DIP2C: variants seen among roughly 807,000 people sequenced by gnomAD.
DIP2C encodes DIP2 acetate--CoA ligase C (putative).
DIP2C carries 33 observed loss-of-function variants against 192.4 expected under a neutral mutation model. That is an observed-to-expected ratio of 0.17 (90% CI 0.13 to 0.23). DIP2C has a LOEUF of 0.23. Ranked by LOEUF, DIP2C falls within the 10% of genes least tolerant of loss-of-function variation. DIP2C has a pLI of 1.00. For synonymous variants in DIP2C, 979 were observed against 864.1 expected, an observed-to-expected ratio of 1.13 and a Z score of -2.33; for missense variants, 1,537 against 2,110.1, an observed-to-expected ratio of 0.73 and a Z score of 5.32.
At chr10:430,842 CACTAT>C (rs1188458533) in intron 4 of DIP2C, among the ~76,000 whole-genome samples, 1 of 152,162 alleles carries the variant, frequency 6.6e-6, no homozygotes, top group East Asian at 1.9e-4. Flanking sequence ...AATATTTCAC[CACTAT>C]ACTAATGAGG....
rs1348954786 is a variant in DIP2C, at chr10:666,966, C to A, written c.85+22528G>T. On this transcript the variant is annotated intron_variant, in intron 1 of 36. Transcript: ENST00000280886. The surrounding 1 kb of genome is among the most constrained non-coding windows in gnomAD (Gnocchi z 4.1). ...GAGGGCACCCACCCAGTCTCCTAAT[C>A]ATAACAGACATTCACAGCAACACCA... is the stretch of plus-strand genomic sequence containing the variant. The A allele has an allele frequency of 2.6e-5, 4 of 152,402 alleles. No individual in the cohort carries two copies. Among genetic ancestry groups the A allele is most frequent in the African/African-American group, 4.8e-5 (2 of 41,462 alleles). 9.4% of individuals were successfully genotyped at this position (152,402 alleles called of 1,614,324 possible).
intron 1 of DIP2C, among the ~76,000 whole-genome samples, chr10:578,750 T>G (rs773811028): frequency 3.3e-5 from 5 of 152,164 alleles, no homozygotes; most frequent in Non-Finnish European, 5.9e-5. Context: ...TGTACATGCA[T>G]AGTGTACACA....
intron 1 of DIP2C, among the ~76,000 whole-genome samples, chr10:556,777 A>T (rs1396445821): frequency 6.6e-6 from 1 of 152,154 alleles, no homozygotes; most frequent in African/African-American, 2.4e-5. Flanking sequence ...GCATCAAGCG[A>T]AAGACAGAAA....
intron 1 of DIP2C, among the ~76,000 whole-genome samples, chr10:619,831 C>T (rs572483756): frequency 6.6e-6 from 1 of 152,224 alleles, no homozygotes; most frequent in Non-Finnish European, 1.5e-5. Flanking sequence ...TGGCAGCTCC[C>T]GTGTTGGGAG....
intron 1 of DIP2C, among the ~76,000 whole-genome samples, chr10:584,673 A>G (rs1196765627): frequency 1.7e-5 from 1 of 57,906 alleles, no homozygotes; most frequent in African/African-American, 8.0e-5. Context: ...CCGCAACCTG[A>G]CCCCCACTCA....
intron 3 of DIP2C, among the ~76,000 whole-genome samples, chr10:457,218 C>A (rs891074679): frequency 1.3e-5 from 2 of 152,140 alleles, no homozygotes; most frequent in Non-Finnish European, 2.9e-5. Context: ...TATGCATCTC[C>A]TATTTTATTT....
intron 1 of DIP2C, among the ~76,000 whole-genome samples, chr10:520,802 AAG>A (rs1010699607): frequency 6.6e-6 from 1 of 152,240 alleles, no homozygotes. Flanking sequence ...TTCTCAGAAA[AAG>A]AACACTAATT....
intron 33 of DIP2C, among the ~76,000 whole-genome samples, chr10:286,777 T>C (rs961153350): frequency 3.9e-5 from 6 of 152,212 alleles, no homozygotes; most frequent in Non-Finnish European, 7.4e-5. Context: ...CAATATTACA[T>C]CTCACATCAT....
At chr10:590,829 G>T (rs566529953) in intron 1 of DIP2C, among the ~76,000 whole-genome samples, 3 of 152,018 alleles carry the variant, frequency 2.0e-5, no homozygotes, top group Non-Finnish European at 4.4e-5. Context: ...GGTCTCCACC[G>T]CACCAGAGCC....
At chr10:470,555 AAG>A (rs1191800720) in intron 3 of DIP2C, among the ~76,000 whole-genome samples, 6 of 152,280 alleles carry the variant, frequency 3.9e-5, no homozygotes, top group Admixed American at 3.9e-4. Context: ...GGCTTTTATC[AAG>A]AGAGAAGACC....
intron 29 of DIP2C, 158 bp downstream of exon 29, chr10:341,041 G>T: frequency 9.5e-7 from 1 of 1,051,372 alleles, no homozygotes; most frequent in Non-Finnish European, 1.4e-6. Flanking sequence ...CGAGAGCCAA[G>T]TCCACCAGGA....
rs1020260314 is a variant in DIP2C at position 275,957 on chromosome 10, G to A, written c.*1368C>T. 1 of 152,262 alleles carries A rather than the reference G, an allele frequency of 6.6e-6. No individual in the cohort carries two copies. The highest frequency in any genetic ancestry group is 1.5e-5 in the Non-Finnish European group (1 of 68,074). 9.4% of individuals were successfully genotyped at this position (152,262 alleles called of 1,614,324 possible). Reference sequence around the variant, plus strand: ...CACAGAGCGGGCTGGGTCTTAAGACGAGGGGACGATCACCGATGTGAGTTC... The same window carrying A: ...CACAGAGCGGGCTGGGTCTTAAGACAAGGGGACGATCACCGATGTGAGTTC... On this transcript the variant is annotated 3_prime_UTR_variant, in exon 37 of 37. Coordinates refer to ENST00000280886, the MANE Select transcript of DIP2C (RefSeq NM_014974.3).
At chr10:614,062 G>A (rs141044418) in intron 1 of DIP2C, among the ~76,000 whole-genome samples, 1 of 152,176 alleles carries the variant, frequency 6.6e-6, no homozygotes, top group Admixed American at 6.5e-5. Flanking sequence ...AACAGCCAAC[G>A]CTCCCAGAAC....
At chr10:622,290 G>A (rs1323334503) in intron 1 of DIP2C, among the ~76,000 whole-genome samples, 2 of 94,726 alleles carry the variant, frequency 2.1e-5, no homozygotes, top group South Asian at 5.5e-4. Context: ...AGGAGGGGGA[G>A]GGAGGGAGGA....
chr10:473,035 C>T (rs766501700), intron 2 of DIP2C, among the ~76,000 whole-genome samples: 6 of 151,570 alleles, frequency 4.0e-5, no homozygotes, highest in Non-Finnish European at 5.9e-5. Context: ...ATACCATGAA[C>T]GTCCAGCTTT....
chr10:378,680 AAC>A (rs1414135183), intron 17 of DIP2C, among the ~76,000 whole-genome samples: 21 of 151,730 alleles, frequency 1.4e-4, no homozygotes, highest in Non-Finnish European at 2.9e-5. Flanking sequence ...GGCACACATG[AAC>A]AGACATGCAT....
At chr10:489,342 C>T (rs898634120) in intron 1 of DIP2C, among the ~76,000 whole-genome samples, 8 of 152,126 alleles carry the variant, frequency 5.3e-5, no homozygotes, top group Non-Finnish European at 8.8e-5. Flanking sequence ...GTTTCCCGTG[C>T]GAATACAATC....
chr10:640,685 G>A (rs530311772), intron 1 of DIP2C, among the ~76,000 whole-genome samples: 3 of 150,148 alleles, frequency 2.0e-5, no homozygotes, highest in Admixed American at 6.6e-5. Flanking sequence ...GAGGGTGCGC[G>A]CGGGGAAGAG....
At chr10:437,082 TCTCTGAG>T (rs1967309870) in intron 4 of DIP2C, among the ~76,000 whole-genome samples, 2 of 134,582 alleles carry the variant, frequency 1.5e-5, no homozygotes, top group African/African-American at 5.8e-5. Context: ...ACCTGAGCTC[TCTCTGAG>T]CTCCACCTCC....
Sources: gnomAD v4.1 joint callset for allele counts (sites outside exome capture counted in the v4.1 genomes callset) on GRCh38, gnomAD v4.1.1 for gene constraint, Gnocchi (gnomAD v3.1) non-coding constraint, MANE v1.5 for transcripts, NCBI Gene and HGNC (gene_info 2026-07-23, HGNC 2026-07-21) for gene names.